Variants in NCBP2L observed in about 807,000 individuals in gnomAD.
NCBP2L encodes nuclear cap binding protein subunit 2 like, also known as nuclear cap-binding protein subunit 2-like.
For synonymous variants in NCBP2L, 39 were observed against 19.2 expected, an observed-to-expected ratio of 2.04 and a Z score of -2.70; for missense variants, 95 against 53.1, an observed-to-expected ratio of 1.79 and a Z score of -2.45.
intron 1 of NCBP2L, among the ~76,000 whole-genome samples, chrX:107,793,932 A>G (rs1309709751): frequency 1.8e-5 from 2 of 112,246 alleles, no homozygotes; most frequent in Non-Finnish European, 3.8e-5. Context: ...TCTCAACCAA[A>G]GACAGCACAA....
chrX:107,791,647 G>A (rs1418165162), intron 1 of NCBP2L, among the ~76,000 whole-genome samples: 1 of 112,291 alleles, frequency 8.9e-6, no homozygotes, highest in African/African-American at 3.2e-5. Context: ...TTATTTTTGT[G>A]TTATGTGTAG....
Position 107,787,498 on chromosome X carries a change from C to T in NCBP2L, c.-72-6651C>T, listed in dbSNP as rs186749370. Among the ~76,000 whole-genome samples the T allele has an allele frequency of 2.8e-3, 312 of 112,018 alleles. 1 individual carries two copies. The highest frequency in any genetic ancestry group is 9.8e-3 in the African/African-American group (302 of 30,848). On this transcript the variant is annotated intron_variant, in intron 1 of 1. Transcript: ENST00000509000. ...GCTTTTAATGTAACCGTCACCCAAA[C>T]AGTGTAGATTGTACCCATTAAGTAA... is the stretch of plus-strand genomic sequence containing the variant.
In NCBP2L at chrX:107,794,472, A is replaced by C. The variant is rs1281752131; in HGVS notation, c.252A>C (p.Val84=). Residue 84 remains valine, a synonymous_variant, in exon 2 of 2, where the codon GTA becomes GTC. Transcript: ENST00000509000. ...IKKTACGFCF[V]ECHNRADAEN... is the part of the protein sequence containing the mutation. ...AAACAGCATGTGGTTTTTGCTTTGTAGAATGCCATAACAGAGCTGATGCTG... is the reference window on the plus strand; with the variant it reads ...AAACAGCATGTGGTTTTTGCTTTGTCGAATGCCATAACAGAGCTGATGCTG... 1 of 569,024 alleles carries C rather than the reference A, an allele frequency of 1.8e-6. No individual in the cohort carries two copies. Among genetic ancestry groups the C allele is most frequent in the African/African-American group, 2.2e-5 (1 of 44,946 alleles). 46.9% of individuals were successfully genotyped at this position (569,024 alleles called of 1,213,427 possible).
chrX:107,789,197 T>TG (rs1389086654), intron 1 of NCBP2L, among the ~76,000 whole-genome samples: 23 of 99,348 alleles, frequency 2.3e-4, no homozygotes, highest in African/African-American at 8.8e-4. Context: ...TTTTTTTTTT[T>TG]GGGCTTGCAG....
chrX:107,789,509 C>T (rs1013225777), intron 1 of NCBP2L, among the ~76,000 whole-genome samples: 2 of 111,873 alleles, frequency 1.8e-5, no homozygotes, highest in African/African-American at 6.5e-5. Context: ...CATTTCCTCA[C>T]CTCCTGTTAA....
rs12854375 is a variant in NCBP2L at position 107,795,082 on chromosome X, G to A, written c.*400G>A. On this transcript the variant is annotated 3_prime_UTR_variant, in exon 2 of 2. Transcript: ENST00000509000. ...GTCAAATAAGTGGAAATTTTAAAAA[G>A]TTATCAAGAGAAACACAAGCACTAT... 0.19 allele frequency: 22,150 copies of A among 114,410 alleles called. 2,303 individuals are homozygous for A. The highest frequency in any genetic ancestry group is 0.4 in the African/African-American group (12,117 of 30,387). 9.4% of individuals were successfully genotyped at this position (114,410 alleles called of 1,213,427 possible).
chrX:107,780,818 C>T (rs762154891), intron 1 of NCBP2L, among the ~76,000 whole-genome samples: 9 of 109,113 alleles, frequency 8.2e-5, no homozygotes, highest in South Asian at 4.1e-4. Context: ...TTAGTAGAGA[C>T]GGGGTTGCTC....
chrX:107,788,713 C>A (rs901227670), intron 1 of NCBP2L, among the ~76,000 whole-genome samples: 5 of 110,775 alleles, frequency 4.5e-5, no homozygotes, highest in Non-Finnish European at 9.4e-5. Flanking sequence ...TAACTCACTT[C>A]TTCACATCTA....
At chrX:107,785,898 T>C (rs1045321585) in intron 1 of NCBP2L, among the ~76,000 whole-genome samples, 4 of 110,573 alleles carry the variant, frequency 3.6e-5, no homozygotes, top group Non-Finnish European at 7.6e-5. Context: ...GGCGATCATG[T>C]TGGAGAGTTA....
chrX:107,792,242 C>T (rs1189351844), intron 1 of NCBP2L, among the ~76,000 whole-genome samples: 1 of 109,648 alleles, frequency 9.1e-6, no homozygotes, highest in Non-Finnish European at 1.9e-5. Flanking sequence ...TTTGCCATCT[C>T]ATCTACAAGG....
At chrX:107,785,351 C>T (rs1343327946) in intron 1 of NCBP2L, among the ~76,000 whole-genome samples, 1 of 111,768 alleles carries the variant, frequency 8.9e-6, no homozygotes, top group East Asian at 2.8e-4. Context: ...CTCCCTACAA[C>T]AGCTAGCAGA....
intron 1 of NCBP2L, among the ~76,000 whole-genome samples, chrX:107,783,486 C>T (rs1240619820): frequency 9.3e-6 from 1 of 107,643 alleles, no homozygotes; most frequent in African/African-American, 3.4e-5. Context: ...GATTCTCTTG[C>T]CTCAGCCTCC....
intron 1 of NCBP2L, among the ~76,000 whole-genome samples, chrX:107,788,762 A>G (rs1196150262): frequency 8.9e-6 from 1 of 111,744 alleles, no homozygotes; most frequent in Non-Finnish European, 1.9e-5. Context: ...AACATCAACT[A>G]GAAACCTCTG....
At chrX:107,791,056 A>G (rs1170379062) in intron 1 of NCBP2L, among the ~76,000 whole-genome samples, 2 of 111,554 alleles carry the variant, frequency 1.8e-5, no homozygotes, top group East Asian at 2.8e-4. Context: ...CTTACTTTTT[A>G]TTGTTTCCCC....
chrX:107,788,536 A>G (rs1320122485), intron 1 of NCBP2L, among the ~76,000 whole-genome samples: 1 of 112,261 alleles, frequency 8.9e-6, no homozygotes, highest in Non-Finnish European at 1.9e-5. Context: ...CATTCATTCA[A>G]TAAACATCAG....
At chrX:107,792,714 C>G (rs1257900107) in intron 1 of NCBP2L, among the ~76,000 whole-genome samples, 1 of 111,791 alleles carries the variant, frequency 8.9e-6, no homozygotes, top group Non-Finnish European at 1.9e-5. Flanking sequence ...TACATACCTT[C>G]CTTGTCCTTT....
intron 1 of NCBP2L, among the ~76,000 whole-genome samples, chrX:107,787,219 T>C (rs1602437398): frequency 8.9e-6 from 1 of 111,918 alleles, no homozygotes; most frequent in East Asian, 2.8e-4. Flanking sequence ...AGTAAGGCCA[T>C]ATAGTGCAAA....
intron 1 of NCBP2L, among the ~76,000 whole-genome samples, chrX:107,781,829 G>GATATCT (rs1930295115): frequency 5.8e-5 from 2 of 34,280 alleles, no homozygotes; most frequent in Admixed American, 3.1e-4. Flanking sequence ...TCTATATATA[G>GATATCT]AGAGATATAT....
intron 1 of NCBP2L, among the ~76,000 whole-genome samples, chrX:107,789,471 G>T (rs1055429002): frequency 9.0e-6 from 1 of 110,825 alleles, no homozygotes; most frequent in Non-Finnish European, 1.9e-5. Context: ...TATTGTTATG[G>T]AATCTTTTCT....
Sources: allele counts gnomAD v4.1 joint callset (sites outside exome capture counted in the v4.1 genomes callset), GRCh38; gene constraint gnomAD v4.1.1; transcripts MANE v1.5; gene names NCBI Gene and HGNC (gene_info 2026-07-23, HGNC 2026-07-21).